Variants in PIP5K1C observed in about 807,000 individuals in gnomAD.
PIP5K1C encodes the protein phosphatidylinositol-4-phosphate 5-kinase type 1 gamma, also known as phosphatidylinositol 4-phosphate 5-kinase type-1 gamma.
Under a neutral mutation model 80.1 loss-of-function variants are expected in PIP5K1C, and 45 were observed. The ratio of observed to expected loss-of-function variants is 0.56; its 90% CI spans 0.44 to 0.72. PIP5K1C has a LOEUF of 0.72. Ranked by LOEUF, PIP5K1C falls within the 30% of genes least tolerant of loss-of-function variation. The pLI, the probability that PIP5K1C is intolerant of heterozygous loss-of-function variation, is 0.00. For missense variants in PIP5K1C, 753 were observed against 954.6 expected (o/e 0.79, Z 2.78); for synonymous variants, 498 against 420.1 (o/e 1.19, Z -2.27).
intron 1 of PIP5K1C, among the ~76,000 whole-genome samples, chr19:3,668,251 T>C (rs532167104): frequency 1.3e-5 from 2 of 152,092 alleles, no homozygotes; most frequent in Admixed American, 6.5e-5. Flanking sequence ...TCCCCAGCCC[T>C]GGCTCCCAGC....
At position 3,637,751 on chromosome 19, in the gene PIP5K1C, A is replaced by G. The variant is rs2073748815; in HGVS notation, c.1920+1133T>C. The G allele has an allele frequency of 1.3e-6, 2 of 1,528,038 alleles. No individual in the cohort carries two copies. The highest frequency in any genetic ancestry group is 2.4e-5 in the South Asian group (2 of 83,496). The allele number at this position is 1,528,038 out of a possible 1,614,324, so 94.7% of individuals were successfully genotyped here. Reference sequence around the variant, plus strand: ...GTGGGGACAGCTGACTGCCAAGCAGAAGGTGGGGGGTGCCGGGGCAGGGGC... The same window carrying G: ...GTGGGGACAGCTGACTGCCAAGCAGGAGGTGGGGGGTGCCGGGGCAGGGGC... On this transcript the variant is annotated intron_variant, in intron 16 of 17. Coordinates refer to ENST00000335312, the MANE Select transcript of PIP5K1C (RefSeq NM_012398.3). The surrounding 1 kb of genome is among the most constrained non-coding windows in gnomAD (Gnocchi z 7.0).
rs554744611 is a variant in PIP5K1C at position 3,695,786 on chromosome 19, C to T, written c.94+4511G>A. ...GCTGTCACCCAGGCATGCAGTGGCACGATCACAGCTCAGTGCAGCCTCAGC... is the reference window on the plus strand; with the variant it reads ...GCTGTCACCCAGGCATGCAGTGGCATGATCACAGCTCAGTGCAGCCTCAGC... On this transcript the variant is annotated intron_variant, in intron 1 of 17. Coordinates refer to ENST00000335312, the MANE Select transcript of PIP5K1C (RefSeq NM_012398.3). Among the ~76,000 whole-genome samples the T allele has an allele frequency of 6.6e-5, 10 of 150,732 alleles. No individual in the cohort carries two copies. The South Asian group carries it at 1.9e-3, about 28-fold the overall frequency.
chr19:3,646,664 G>C (rs1354514502), intron 10 of PIP5K1C, among the ~76,000 whole-genome samples: 3 of 152,200 alleles, frequency 2.0e-5, no homozygotes, highest in African/African-American at 7.2e-5. Flanking sequence ...CCTTGGCAAG[G>C]TTTAAGACAT....
At chr19:3,693,549 G>C (rs2036008038) in intron 1 of PIP5K1C, among the ~76,000 whole-genome samples, 1 of 152,226 alleles carries the variant, frequency 6.6e-6, no homozygotes, top group South Asian at 2.1e-4. Context: ...CCTGCGTGAA[G>C]GGACATGCTG....
chr19:3,683,749 G>A (rs1000895449), intron 1 of PIP5K1C, among the ~76,000 whole-genome samples: 1 of 152,204 alleles, frequency 6.6e-6, no homozygotes, highest in Admixed American at 6.5e-5. Flanking sequence ...GGGCCTCCCA[G>A]GCAGAGGCAC....
rs1051676247 is a variant in PIP5K1C at position 3,636,727 on chromosome 19, C to T, written c.1920+2157G>A. The T allele has an allele frequency of 2.8e-5, 28 of 986,704 alleles. No homozygotes were observed. The Admixed American group carries it at 6.1e-4, about 21-fold the overall frequency. The allele number at this position is 986,704 out of a possible 1,614,324, so 61.1% of individuals were successfully genotyped here. ...ACAGTGCCTGGCACACAGAGGTGCTCGGAGAGGTTTGCTGATGGGCGGGGA... is the reference window on the plus strand; with the variant it reads ...ACAGTGCCTGGCACACAGAGGTGCTTGGAGAGGTTTGCTGATGGGCGGGGA... On this transcript the variant is annotated intron_variant, in intron 16 of 17. Transcript: ENST00000335312.
intron 5 of PIP5K1C, among the ~76,000 whole-genome samples, chr19:3,658,945 G>A (rs1031702819): frequency 3.9e-5 from 6 of 152,156 alleles, no homozygotes; most frequent in African/African-American, 1.4e-4. Context: ...GCTCTCGGCA[G>A]CTGCGCCGCT....
chr19:3,645,623 C>G (rs2034181677), intron 11 of PIP5K1C, among the ~76,000 whole-genome samples: 2 of 152,202 alleles, frequency 1.3e-5, no homozygotes, highest in African/African-American at 4.8e-5. Flanking sequence ...GAGCTATCTG[C>G]TGAGTCAGGC....
intron 1 of PIP5K1C, among the ~76,000 whole-genome samples, chr19:3,690,255 G>A (rs372426544): frequency 6.6e-5 from 10 of 152,158 alleles, no homozygotes; most frequent in African/African-American, 2.2e-4. Flanking sequence ...CCAGCACATC[G>A]AGAAGCCAAG....
At position 3,661,040 on chromosome 19, in the gene PIP5K1C, G is replaced by A. The variant is rs1387445909; in HGVS notation, c.394C>T (p.Arg132Cys). ...LTPAHHFQDF[R>C]FKTYAPVAFR... is the part of the protein sequence containing the mutation. ...GCGACAGGTGCATAGGTCTTGAAGC[G>A]GAAGTCCTGGAAGTGGTGGGCGGGG... Residue 132 changes from arginine (R) to cysteine (C), a missense_variant, in exon 5 of 18, where the codon CGC becomes TGC. This residue lies in a region of PIP5K1C where 139 missense variants were observed against 289.7 expected (regional missense o/e 0.48). Transcript: ENST00000335312. 6.2e-6 allele frequency: 10 copies of A among 1,613,946 alleles called. No individual in the cohort carries two copies. The highest frequency in any genetic ancestry group is 8.5e-6 in the Non-Finnish European group (10 of 1,179,984).
intron 5 of PIP5K1C, among the ~76,000 whole-genome samples, chr19:3,660,308 A>G (rs1207138850): frequency 6.6e-6 from 1 of 151,556 alleles, no homozygotes; most frequent in Non-Finnish European, 1.5e-5. Flanking sequence ...TGAACCCAGG[A>G]GGCGGAGCTT....
intron 16 of PIP5K1C, among the ~76,000 whole-genome samples, chr19:3,634,374 C>T (rs1030640263): frequency 6.6e-6 from 1 of 151,920 alleles, no homozygotes; most frequent in African/African-American, 2.4e-5. Flanking sequence ...CCCTGTCTTC[C>T]TTGTTGTGTC....
intron 1 of PIP5K1C, among the ~76,000 whole-genome samples, chr19:3,686,132 C>T (rs903195721): frequency 3.9e-5 from 6 of 152,164 alleles, no homozygotes; most frequent in Admixed American, 1.3e-4. Flanking sequence ...GGATTACAGG[C>T]GTGAGCCACC....
chr19:3,637,893 C>T lies in PIP5K1C; in HGVS notation c.1920+991G>A. The stretch of plus-strand genomic sequence containing the variant: ...TACCATCCGGAGACCAGGACGCGCA[C>T]AAACCAGTCCCAGGAAAAGGGGTGA... On this transcript the variant is annotated intron_variant, in intron 16 of 17. Transcript: ENST00000335312. This position sits in a 1 kb window ranked among gnomAD's most constrained non-coding sequence, Gnocchi z 7.0. 1 of 1,535,394 alleles carries T rather than the reference C, an allele frequency of 6.5e-7. No individual in the cohort carries two copies. Among genetic ancestry groups the T allele is most frequent in the East Asian group, 2.4e-5 (1 of 40,902 alleles).
rs375009246 is a variant in PIP5K1C at position 3,633,139 on chromosome 19, C to T, written c.*28G>A. The T allele has an allele frequency of 2.0e-4, 151 of 757,210 alleles. No homozygotes were observed. The highest frequency in any genetic ancestry group is 3.3e-4 in the Non-Finnish European group (135 of 407,540). The allele number at this position is 757,210 out of a possible 1,614,324, so 46.9% of individuals were successfully genotyped here. A position where few individuals can be genotyped will look rare whatever the true frequency, so the allele number is the denominator to read the frequency against. On this transcript the variant is annotated 3_prime_UTR_variant, in exon 18 of 18. Coordinates refer to ENST00000335312, the MANE Select transcript of PIP5K1C (RefSeq NM_012398.3). ...GGGCAGCCGGAGCAGAAGTGGAGCT[C>T]GGCTCTGGGTCGGGGGCTGCATAGA... is the stretch of plus-strand genomic sequence containing the variant.
chr19:3,677,997 G>C (rs1463193667), intron 1 of PIP5K1C, among the ~76,000 whole-genome samples: 9 of 98,264 alleles, frequency 9.2e-5, no homozygotes, highest in Admixed American at 2.6e-4. Flanking sequence ...GAGGATGGAG[G>C]GATGGACAGA....
chr19:3,665,696 G>A (rs1460895250), intron 2 of PIP5K1C, among the ~76,000 whole-genome samples: 2 of 152,162 alleles, frequency 1.3e-5, no homozygotes, highest in Non-Finnish European at 2.9e-5. Flanking sequence ...CCCGGCTCCT[G>A]CAAGCTGTCG....
chr19:3,682,054 A>G (rs1272087267), intron 1 of PIP5K1C, among the ~76,000 whole-genome samples: 1 of 152,064 alleles, frequency 6.6e-6, no homozygotes, highest in South Asian at 2.1e-4. Flanking sequence ...AGGGAGACAA[A>G]GAGAAGGTGC....
At position 3,637,152 on chromosome 19, in the gene PIP5K1C, G is replaced by A. The variant is rs1396261673; in HGVS notation, c.1920+1732C>T. ...CCCCTGTGCAGCCAGCGGGGCCACG[G>A]GCAGCCAGGTCTGCACGAGTGAGAA... On this transcript the variant is annotated intron_variant, in intron 16 of 17. Transcript: ENST00000335312. The surrounding 1 kb of genome is among the most constrained non-coding windows in gnomAD (Gnocchi z 7.0). 2 of 1,405,248 alleles carry A rather than the reference G, an allele frequency of 1.4e-6. No individual in the cohort carries two copies. The highest frequency in any genetic ancestry group is 1.8e-6 in the Non-Finnish European group (2 of 1,081,220). 87.0% of individuals were successfully genotyped at this position (1,405,248 alleles called of 1,614,324 possible).
Sources: gnomAD v4.1 joint callset for allele counts (sites outside exome capture counted in the v4.1 genomes callset) on GRCh38, gnomAD v4.1.1 for gene constraint, gnomAD v4.1.1 regional missense constraint, Gnocchi (gnomAD v3.1) non-coding constraint, MANE v1.5 for transcripts, NCBI Gene and HGNC (gene_info 2026-07-23, HGNC 2026-07-21) for gene names.